The following SLAMF6 variants were observed in gnomAD, a reference collection of about 807,000 sequenced individuals.
SLAMF6 encodes the protein NK-T-B-antigen.
Under a neutral mutation model 38.3 loss-of-function variants are expected in SLAMF6, and 21 were observed. The ratio of observed to expected loss-of-function variants is 0.55; its 90% CI spans 0.39 to 0.79. The LOEUF (loss-of-function observed/expected upper bound fraction) is 0.79, where lower values mean the gene tolerates loss of function less well. Among genes scored for constraint, SLAMF6 ranks in the 30% least tolerant of loss-of-function variants. SLAMF6 has a pLI of 0.00. For missense variants in SLAMF6, 341 were observed against 385.3 expected, an observed-to-expected ratio of 0.89 and a Z score of 0.96; for synonymous variants, 152 against 146.3, an observed-to-expected ratio of 1.04 and a Z score of -0.28.
At chr1:160,495,279 T>C (rs1653514595) in intron 2 of SLAMF6, among the ~76,000 whole-genome samples, 1 of 152,206 alleles carries the variant, frequency 6.6e-6, no homozygotes, top group Non-Finnish European at 1.5e-5. Flanking sequence ...TTGAATCTCC[T>C]GCTAAGTGAT....
chr1:160,489,748 A>G (rs950494326), intron 5 of SLAMF6, among the ~76,000 whole-genome samples: 2 of 152,076 alleles, frequency 1.3e-5, no homozygotes, highest in Admixed American at 1.3e-4. Flanking sequence ...CCCAAAGCCA[A>G]TCTGAGTCCA....
chr1:160,497,879 C>T (rs1300025779), intron 1 of SLAMF6, among the ~76,000 whole-genome samples: 2 of 152,046 alleles, frequency 1.3e-5, no homozygotes, highest in African/African-American at 4.8e-5. Context: ...TCCAATCCAT[C>T]ATTGATTGGA....
intron 1 of SLAMF6, among the ~76,000 whole-genome samples, chr1:160,501,484 T>C (rs1653888552): frequency 6.6e-6 from 1 of 152,192 alleles, no homozygotes; most frequent in African/African-American, 2.4e-5. Context: ...ATTTCTATAT[T>C]CCTAGAACTT....
chr1:160,490,752 C>A, intron 3 of SLAMF6, 67 bp from the exon 4 acceptor site: 1 of 1,572,054 alleles, frequency 6.4e-7, no homozygotes. Flanking sequence ...TTGGAGCCTC[C>A]GTGGAGCCTC....
At chr1:160,490,296 C>T (rs1653215950) in intron 4 of SLAMF6, 60 bp from the exon 5 acceptor site, 4 of 1,610,606 alleles carry the variant, frequency 2.5e-6, no homozygotes, top group Non-Finnish European at 3.4e-6. Context: ...CATTTCACCC[C>T]TAACCCCGTG....
intron 1 of SLAMF6, among the ~76,000 whole-genome samples, chr1:160,507,605 A>T (rs575175260): frequency 6.6e-6 from 1 of 152,168 alleles, no homozygotes; most frequent in Non-Finnish European, 1.5e-5. Flanking sequence ...TCAAATGCAC[A>T]TAAGTCGTTC....
intron 1 of SLAMF6, among the ~76,000 whole-genome samples, chr1:160,514,500 T>C (rs894525367): frequency 5.3e-5 from 8 of 152,174 alleles, no homozygotes; most frequent in African/African-American, 1.2e-4. Context: ...CTAGATCAAG[T>C]GGACCTGATA....
In SLAMF6 at chr1:160,500,411, C is replaced by G. The variant is rs1285520665; in HGVS notation, c.50-4018G>C. Among the ~76,000 whole-genome samples, 3 of 152,154 alleles carry G rather than the reference C, an allele frequency of 2.0e-5. No individual in the cohort carries two copies. In the East Asian group the frequency reaches 5.8e-4, roughly 29 times the overall value. ...AGGCCAGGGCTTTTGCATTTGCAAT[C>G]CTTTCTGTCTGGAATGTACTTTCTC... On this transcript the variant is annotated intron_variant, in intron 1 of 7. Coordinates refer to ENST00000368057, the MANE Select transcript of SLAMF6 (RefSeq NM_001184714.2).
At chr1:160,490,269 G>C (rs759395572) in intron 4 of SLAMF6, 33 bp from the exon 5 acceptor site, 1 of 1,612,708 alleles carries the variant, frequency 6.2e-7, no homozygotes, top group South Asian at 1.1e-5. Flanking sequence ...TGAAATGTGT[G>C]ACAGCAGTGG....
intron 1 of SLAMF6, among the ~76,000 whole-genome samples, chr1:160,515,338 A>G (rs1270169901): frequency 2.0e-5 from 3 of 152,352 alleles, no homozygotes; most frequent in African/African-American, 7.2e-5. Context: ...GAATAGACCA[A>G]TAACAAATTC....
intron 1 of SLAMF6, among the ~76,000 whole-genome samples, chr1:160,510,603 G>T (rs1008980434): frequency 6.6e-6 from 1 of 151,956 alleles, no homozygotes; most frequent in African/African-American, 2.4e-5. Context: ...CTGATAAAAG[G>T]CATTTATGAA....
chr1:160,510,738 G>A (rs1654430666), intron 1 of SLAMF6, among the ~76,000 whole-genome samples: 1 of 152,056 alleles, frequency 6.6e-6, no homozygotes, highest in Non-Finnish European at 1.5e-5. Flanking sequence ...TCTAGCCAGA[G>A]CAATTAGGCA....
intron 1 of SLAMF6, among the ~76,000 whole-genome samples, chr1:160,509,477 G>A (rs974339655): frequency 1.3e-5 from 2 of 152,040 alleles, no homozygotes; most frequent in African/African-American, 4.8e-5. Flanking sequence ...ACACAGGGTG[G>A]GGAACATCAC....
At chr1:160,505,657 C>A (rs948489695) in intron 1 of SLAMF6, among the ~76,000 whole-genome samples, 5 of 152,086 alleles carry the variant, frequency 3.3e-5, no homozygotes, top group South Asian at 2.1e-4. Flanking sequence ...CTGCCTCGGC[C>A]CCCACAAAGT....
chr1:160,512,081 C>T (rs1654500473), intron 1 of SLAMF6, among the ~76,000 whole-genome samples: 1 of 152,196 alleles, frequency 6.6e-6, no homozygotes, highest in African/African-American at 2.4e-5. Flanking sequence ...TCTCAGCTGC[C>T]ACTTGGCTGG....
In SLAMF6 at chr1:160,489,251, C is replaced by G. The variant is rs1653138748; in HGVS notation, c.797-81G>C. 4 of 1,374,702 alleles carry G rather than the reference C, an allele frequency of 2.9e-6. No homozygotes were observed. In the South Asian group the frequency reaches 4.7e-5, roughly 16 times the overall value. The allele number at this position is 1,374,702 out of a possible 1,614,324, so 85.2% of individuals were successfully genotyped here. ...AGGACTTCTCCCTCCCCAGAGCACA[C>G]TGTGTCCCCAGATAGGCAGGTGTTT... On this transcript the variant is annotated intron_variant, in intron 5 of 7. Transcript: ENST00000368057.
chr1:160,495,267 G>T lies in SLAMF6; in HGVS notation c.382+794C>A, dbSNP rs370669787. ...TTTCTGGTCTGATTGCCAATTTAAT[G>T]CTTGAATCTCCTGCTAAGTGATTAT... On this transcript the variant is annotated intron_variant, in intron 2 of 7. Transcript: ENST00000368057. Among the ~76,000 whole-genome samples the T allele has an allele frequency of 1.9e-4, 29 of 152,272 alleles. No homozygotes were observed. The South Asian group carries it at 5.6e-3, about 29-fold the overall frequency.
chr1:160,501,998 A>G (rs1165224193), intron 1 of SLAMF6, among the ~76,000 whole-genome samples: 1 of 152,146 alleles, frequency 6.6e-6, no homozygotes, highest in Non-Finnish European at 1.5e-5. Flanking sequence ...GTCAGATGCT[A>G]CTGAAAATGT....
intron 1 of SLAMF6, among the ~76,000 whole-genome samples, chr1:160,516,316 A>C (rs1654740628): frequency 1.3e-5 from 2 of 152,212 alleles, no homozygotes; most frequent in Non-Finnish European, 2.9e-5. Flanking sequence ...GAACCTCTTC[A>C]AAAAGAACTA....
Sources: gnomAD v4.1 joint callset for allele counts (sites outside exome capture counted in the v4.1 genomes callset) on GRCh38, gnomAD v4.1.1 for gene constraint, MANE v1.5 for transcripts, NCBI Gene and HGNC (gene_info 2026-07-23, HGNC 2026-07-21) for gene names.